The following ARHGAP44 variants were observed in gnomAD, a reference collection of about 807,000 sequenced individuals.
The protein encoded by ARHGAP44 is rho GTPase-activating protein 44.
In ARHGAP44, 43 loss-of-function variants were observed where a neutral mutation model predicts 106.8. The observed-to-expected ratio is 0.40, with a 90% CI of 0.32 to 0.52. The LOEUF is 0.52. Ranked by LOEUF, ARHGAP44 falls within the 20% of genes least tolerant of loss-of-function variation. ARHGAP44 has a pLI of 0.48. For synonymous variants in ARHGAP44, 439 were observed against 410.3 expected (o/e 1.07, Z -0.85); for missense variants, 866 against 1,050.5 (o/e 0.82, Z 2.43).
chr17:12,983,264 T>TAAA lies in ARHGAP44; in HGVS notation c.1940-1247_1940-1245dup, dbSNP rs56038306. Among the ~76,000 whole-genome samples the TAAA allele has an allele frequency of 3.8e-3, 366 of 95,744 alleles. 5 individuals are homozygous for TAAA. Among genetic ancestry groups the TAAA allele is most frequent in the African/African-American group, 0.012 (291 of 24,264 alleles). The allele number at this position is 95,744 out of a possible 152,430, so 62.8% of individuals were successfully genotyped here. On this transcript the variant is annotated intron_variant, in intron 19 of 20. Coordinates refer to ENST00000379672, the MANE Select transcript of ARHGAP44 (RefSeq NM_014859.6). ...TGGGTGACAGAGCGAGACTCCATCT[T>TAAA]AAAAAAAAAAAAAAAAAAAAAAGGA...
chr17:12,903,130 A>AG (rs1567677758), intron 3 of ARHGAP44, among the ~76,000 whole-genome samples: 1 of 116,750 alleles, frequency 8.6e-6, no homozygotes, highest in Admixed American at 9.0e-5. Context: ...GAGAGAGGAG[A>AG]GAGAGAGAGA....
At chr17:12,886,234 C>T (rs2215056) in intron 1 of ARHGAP44, among the ~76,000 whole-genome samples, 106,452 of 152,010 alleles carry the variant, frequency 0.7, 37,904 homozygotes, top group East Asian at 0.98. Flanking sequence ...TCTTGATTGA[C>T]TACTTAATTT....
intron 1 of ARHGAP44, among the ~76,000 whole-genome samples, chr17:12,887,943 T>G (rs1301296932): frequency 6.6e-6 from 1 of 151,942 alleles, no homozygotes; most frequent in Non-Finnish European, 1.5e-5. Flanking sequence ...AAAGGCATCC[T>G]TTTGATTTCT....
Position 12,907,956 on chromosome 17 carries a change from C to A in ARHGAP44, c.199-941C>A, listed in dbSNP as rs143550773. Among the ~76,000 whole-genome samples the A allele has an allele frequency of 9.7e-4, 146 of 151,192 alleles. No individual in the cohort carries two copies. The Middle Eastern group carries it at 0.027, about 28-fold the overall frequency. The stretch of plus-strand genomic sequence containing the variant: ...GCATGAAGGTTTATGCTCACCAATC[C>A]TTATTTTTTTTTTGCTTTGTTAAGC... On this transcript the variant is annotated intron_variant, in intron 3 of 20. Transcript: ENST00000379672.
chr17:12,858,017 A>C (rs531968373), intron 1 of ARHGAP44, among the ~76,000 whole-genome samples: 1 of 152,194 alleles, frequency 6.6e-6, no homozygotes, highest in East Asian at 1.9e-4. Flanking sequence ...ACTCTTGTGC[A>C]AGGAACCCAG....
At chr17:12,840,940 T>C (rs552217683) in intron 1 of ARHGAP44, among the ~76,000 whole-genome samples, 1 of 152,036 alleles carries the variant, frequency 6.6e-6, no homozygotes, top group South Asian at 2.1e-4. Context: ...TTCTTAGGGG[T>C]CGGTTCCCCA....
chr17:12,817,283 A>G (rs767687575), intron 1 of ARHGAP44, among the ~76,000 whole-genome samples: 5 of 152,116 alleles, frequency 3.3e-5, no homozygotes, highest in Non-Finnish European at 7.4e-5. Flanking sequence ...ATGTAATAGC[A>G]TTAAATGCTT....
At chr17:12,989,101 C>CAAAAAAAAAAAA (rs71144942) in intron 20 of ARHGAP44, among the ~76,000 whole-genome samples, 1 of 45,164 alleles carries the variant, frequency 2.2e-5, no homozygotes, top group African/African-American at 8.5e-5. Flanking sequence ...CCACCCCCCC[C>CAAAAAAAAAAAA]AAAAAAAAAA....
intron 1 of ARHGAP44, among the ~76,000 whole-genome samples, chr17:12,836,765 A>C (rs1342717306): frequency 6.6e-6 from 1 of 152,226 alleles, no homozygotes; most frequent in African/African-American, 2.4e-5. Flanking sequence ...CAGAGGCTCA[A>C]AATACATGAA....
intron 16 of ARHGAP44, among the ~76,000 whole-genome samples, chr17:12,967,732 C>T (rs1567714340): frequency 6.6e-6 from 1 of 152,176 alleles, no homozygotes; most frequent in African/African-American, 2.4e-5. Context: ...CCTGAGCCGT[C>T]GTTCCACTGG....
At chr17:12,918,442 C>A (rs1005252156) in intron 5 of ARHGAP44, among the ~76,000 whole-genome samples, 6 of 152,080 alleles carry the variant, frequency 3.9e-5, no homozygotes, top group African/African-American at 1.4e-4. Flanking sequence ...CACATCCTGC[C>A]CTACTTTTGC....
At chr17:12,789,927 C>T in intron 1 of ARHGAP44, 36 bp downstream of exon 1, 1 of 1,497,764 alleles carries the variant, frequency 6.7e-7, no homozygotes. Flanking sequence ...CGGTGCGCGC[C>T]CGCGAGGCTG....
chr17:12,854,308 G>T (rs2150853977), intron 1 of ARHGAP44, among the ~76,000 whole-genome samples: 1 of 152,322 alleles, frequency 6.6e-6, no homozygotes, highest in Non-Finnish European at 1.5e-5. Flanking sequence ...GGCCTGATCT[G>T]TTGTGGTCTT....
intron 20 of ARHGAP44, chr17:12,987,955 G>A (rs3744345): frequency 0.28 from 42,432 of 152,118 alleles, 6,047 homozygotes; most frequent in South Asian, 0.31. Flanking sequence ...CAGTAAGTAG[G>A]GGTGGCCAAA....
intron 1 of ARHGAP44, among the ~76,000 whole-genome samples, chr17:12,847,165 A>G (rs939835966): frequency 5.3e-5 from 8 of 152,192 alleles, no homozygotes; most frequent in African/African-American, 1.9e-4. Context: ...GTATAGGCTG[A>G]TTTGCTACAA....
intron 4 of ARHGAP44, among the ~76,000 whole-genome samples, chr17:12,913,859 C>T (rs958940102): frequency 2.0e-5 from 3 of 149,802 alleles, no homozygotes; most frequent in South Asian, 2.1e-4. Flanking sequence ...ATCCCAGCCA[C>T]TCGGGAGGCT....
intron 20 of ARHGAP44, chr17:12,985,176 C>T (rs559009390): frequency 2.8e-5 from 12 of 422,784 alleles, no homozygotes; most frequent in South Asian, 1.5e-4. Flanking sequence ...CTCTTATTAT[C>T]GGGGGTTGAA....
intron 1 of ARHGAP44, among the ~76,000 whole-genome samples, chr17:12,874,105 C>T (rs892880032): frequency 1.3e-4 from 20 of 152,190 alleles, no homozygotes; most frequent in African/African-American, 4.8e-4. Context: ...TTCTCTGTGC[C>T]AATCCTTCAT....
chr17:12,849,324 G>A (rs551171379), intron 1 of ARHGAP44, among the ~76,000 whole-genome samples: 34 of 151,970 alleles, frequency 2.2e-4, no homozygotes, highest in Non-Finnish European at 3.2e-4. Context: ...ACCTATCCCT[G>A]TTCCTCTTCA....
Sources: gnomAD v4.1 joint callset for allele counts (sites outside exome capture counted in the v4.1 genomes callset) on GRCh38, gnomAD v4.1.1 for gene constraint, MANE v1.5 for transcripts, NCBI Gene and HGNC (gene_info 2026-07-23, HGNC 2026-07-21) for gene names.